PDGFD: variants seen among roughly 807,000 people sequenced by gnomAD.
PDGFD encodes platelet derived growth factor D, also known as platelet-derived growth factor D.
In PDGFD, 30 loss-of-function variants were observed where a neutral mutation model predicts 44.7. The observed-to-expected ratio is 0.67, with a 90% CI of 0.50 to 0.91. The LOEUF is 0.91. Ranked by LOEUF, PDGFD falls within the 40% of genes least tolerant of loss-of-function variation. The pLI is 0.00. For missense variants in PDGFD, 445 were observed against 457.8 expected (o/e 0.97, Z 0.25); for synonymous variants, 173 against 168.4 (o/e 1.03, Z -0.21).
At chr11:104,058,966 G>C (rs1454503730) in intron 1 of PDGFD, among the ~76,000 whole-genome samples, 19 of 152,208 alleles carry the variant, frequency 1.2e-4, no homozygotes, top group African/African-American at 3.6e-4. Context: ...AGTATTGCCA[G>C]AGCATGAGGA....
chr11:104,090,135 TTTCTC>T (rs1336352201), intron 1 of PDGFD, among the ~76,000 whole-genome samples: 2 of 151,944 alleles, frequency 1.3e-5, no homozygotes, highest in Non-Finnish European at 2.9e-5. Context: ...TTAATTGTAT[TTTCTC>T]TTTTTTTTCT....
chr11:104,084,307 T>A (rs1861089603), intron 1 of PDGFD, among the ~76,000 whole-genome samples: 1 of 152,186 alleles, frequency 6.6e-6, no homozygotes, highest in Non-Finnish European at 1.5e-5. Context: ...AACTGCTTCA[T>A]CCTGCATGGT....
At chr11:104,056,100 C>A (rs1342075464) in intron 1 of PDGFD, among the ~76,000 whole-genome samples, 1 of 152,006 alleles carries the variant, frequency 6.6e-6, no homozygotes, top group Non-Finnish European at 1.5e-5. Flanking sequence ...TAAAATTTAA[C>A]AAACAGTAAA....
intron 1 of PDGFD, among the ~76,000 whole-genome samples, chr11:104,161,768 A>T (rs1490013922): frequency 6.6e-6 from 1 of 152,198 alleles, no homozygotes; most frequent in African/African-American, 2.4e-5. Flanking sequence ...ATGCATGCTC[A>T]TTTAGGAAAA....
At chr11:104,080,004 A>T (rs1223613945) in intron 1 of PDGFD, among the ~76,000 whole-genome samples, 1 of 152,172 alleles carries the variant, frequency 6.6e-6, no homozygotes, top group Non-Finnish European at 1.5e-5. Context: ...TGACGGTATT[A>T]TTGTCTATGC....
intron 3 of PDGFD, among the ~76,000 whole-genome samples, chr11:103,951,955 T>A (rs1208867018): frequency 1.3e-5 from 2 of 152,240 alleles, no homozygotes; most frequent in Non-Finnish European, 2.9e-5. Flanking sequence ...TATTCCAAGT[T>A]TCTAGCTGAG....
At chr11:104,070,882 G>C (rs572219151) in intron 1 of PDGFD, among the ~76,000 whole-genome samples, 1 of 152,116 alleles carries the variant, frequency 6.6e-6, no homozygotes, top group South Asian at 2.1e-4. Context: ...CATTACTGTT[G>C]GAGTTGCATG....
intron 1 of PDGFD, among the ~76,000 whole-genome samples, chr11:104,058,884 A>C (rs996416383): frequency 2.0e-5 from 3 of 152,208 alleles, no homozygotes; most frequent in Non-Finnish European, 4.4e-5. Flanking sequence ...GAGACACACA[A>C]GGCTGTATAC....
At chr11:104,150,800 T>C (rs1862232748) in intron 1 of PDGFD, among the ~76,000 whole-genome samples, 1 of 152,170 alleles carries the variant, frequency 6.6e-6, no homozygotes, top group Admixed American at 6.5e-5. Flanking sequence ...CACTTGTGAC[T>C]GCATTTAGGG....
At chr11:104,064,811 T>G (rs72975215) in intron 1 of PDGFD, among the ~76,000 whole-genome samples, 1,937 of 152,308 alleles carry the variant, frequency 0.013, 25 homozygotes, top group Non-Finnish European at 0.021. Flanking sequence ...TATATAAATG[T>G]TTATGCTGCA....
chr11:104,039,702 CAGAGT>C (rs145351766), intron 1 of PDGFD, among the ~76,000 whole-genome samples: 1,683 of 152,142 alleles, frequency 0.011, 15 homozygotes, highest in Middle Eastern at 0.024. Context: ...AAAAGACATT[CAGAGT>C]AAAGTCAGGG....
intron 3 of PDGFD, among the ~76,000 whole-genome samples, chr11:103,965,158 C>T (rs1442723481): frequency 6.6e-6 from 1 of 152,060 alleles, no homozygotes; most frequent in African/African-American, 2.4e-5. Context: ...GAACAACATT[C>T]ACTCTGCTCT....
chr11:103,911,704 C>G (rs1858031333), intron 6 of PDGFD, among the ~76,000 whole-genome samples: 1 of 151,918 alleles, frequency 6.6e-6, no homozygotes, highest in African/African-American at 2.4e-5. Flanking sequence ...CATGTTCTAA[C>G]CCAATGCAAG....
At chr11:103,917,180 T>C (rs1858141053) in intron 6 of PDGFD, among the ~76,000 whole-genome samples, 1 of 152,296 alleles carries the variant, frequency 6.6e-6, no homozygotes, top group Admixed American at 6.5e-5. Flanking sequence ...TGTTAACATA[T>C]AATATCCTTT....
intron 1 of PDGFD, among the ~76,000 whole-genome samples, chr11:104,082,557 T>C (rs537956446): frequency 6.6e-6 from 1 of 152,292 alleles, no homozygotes; most frequent in Admixed American, 6.5e-5. Context: ...TTTCAAAGAT[T>C]ACTTCAAAAG....
intron 1 of PDGFD, among the ~76,000 whole-genome samples, chr11:104,124,301 T>C (rs1861814640): frequency 6.6e-6 from 1 of 152,064 alleles, no homozygotes. Flanking sequence ...TGGGCATTTC[T>C]AGGAGGTATA....
chr11:103,944,294 C>T (rs1417390385), intron 4 of PDGFD, among the ~76,000 whole-genome samples: 1 of 152,120 alleles, frequency 6.6e-6, no homozygotes, highest in Non-Finnish European at 1.5e-5. Context: ...CTAGTGATCC[C>T]AGTTGCCATT....
At chr11:103,944,092 T>C (rs1858634039) in intron 4 of PDGFD, among the ~76,000 whole-genome samples, 1 of 152,140 alleles carries the variant, frequency 6.6e-6, no homozygotes, top group Admixed American at 6.6e-5. Flanking sequence ...ATTCCCCCTT[T>C]ACAGGTCACC....
intron 1 of PDGFD, among the ~76,000 whole-genome samples, chr11:104,146,802 A>G (rs78799700): frequency 0.025 from 3,809 of 152,154 alleles, 184 homozygotes; most frequent in African/African-American, 0.087. Context: ...GTACCTCTAT[A>G]TATCAGGTAC....
Sources: gnomAD v4.1 joint callset for allele counts (sites outside exome capture counted in the v4.1 genomes callset) on GRCh38, gnomAD v4.1.1 for gene constraint, MANE v1.5 for transcripts, NCBI Gene and HGNC (gene_info 2026-07-23, HGNC 2026-07-21) for gene names.